The following USP42 variants were observed in gnomAD, a reference collection of about 807,000 sequenced individuals.
USP42 encodes ubiquitin specific peptidase 42, also known as ubiquitin carboxyl-terminal hydrolase 42.
Under a neutral mutation model 113.0 loss-of-function variants are expected in USP42, and 23 were observed. The ratio of observed to expected loss-of-function variants is 0.20; its 90% CI spans 0.15 to 0.29. USP42 has a LOEUF of 0.29. Ranked by LOEUF, USP42 falls within the 10% of genes least tolerant of loss-of-function variation. The pLI is 1.00. For synonymous variants in USP42, 933 were observed against 699.0 expected (o/e 1.33, Z -5.28); for missense variants, 2,174 against 1,779.8 (o/e 1.22, Z -3.99).
At chr7:6,118,462 C>T (rs1234728488) in intron 3 of USP42, among the ~76,000 whole-genome samples, 12 of 151,674 alleles carry the variant, frequency 7.9e-5, no homozygotes, top group Admixed American at 7.9e-4. Flanking sequence ...GTTGAGGCTG[C>T]AGTGAGCCAT....
intron 7 of USP42, 42 bp from the exon 8 acceptor site, chr7:6,142,890 C>T (rs755515756): frequency 1.2e-4 from 186 of 1,594,212 alleles, no homozygotes; most frequent in South Asian, 2.2e-5. Flanking sequence ...ACACAAGTGA[C>T]GGTGTGCGGT....
Position 6,157,910 on chromosome 7 carries a change from GC to G in USP42, c.3943+861del, listed in dbSNP as rs1375344854. Among the ~76,000 whole-genome samples, 6 of 152,126 alleles carry G rather than the reference GC, an allele frequency of 3.9e-5. No homozygotes were observed. The highest frequency in any genetic ancestry group is 8.8e-5 in the Non-Finnish European group (6 of 68,034). ...CTGTGCTCTTACTGCACTTGAGGCA[GC>G]CCCCCACTTCCTCTCCCGTTGGTGT... On this transcript the variant is annotated intron_variant, in intron 16 of 17. Coordinates refer to ENST00000306177, the MANE Select transcript of USP42 (RefSeq NM_032172.3). This position sits in a 1 kb window ranked among gnomAD's most constrained non-coding sequence, Gnocchi z 4.1.
chr7:6,102,751 A>G (rs1344091320), upstream of USP42, among the ~76,000 whole-genome samples: 2 of 150,860 alleles, frequency 1.3e-5, no homozygotes, highest in African/African-American at 2.5e-5. Context: ...GTTGAAACAC[A>G]TAAAAGAGGA....
intron 3 of USP42, among the ~76,000 whole-genome samples, chr7:6,132,926 C>T (rs1780930891): frequency 6.6e-6 from 1 of 152,226 alleles, no homozygotes; most frequent in Non-Finnish European, 1.5e-5. Flanking sequence ...CCATCTTGGT[C>T]TCCCAAAGTG....
intron 11 of USP42, among the ~76,000 whole-genome samples, chr7:6,147,532 A>AC (rs1387180239): frequency 6.6e-6 from 1 of 152,238 alleles, no homozygotes; most frequent in Non-Finnish European, 1.5e-5. Context: ...AACGTCATTT[A>AC]CCCAGTTATC....
In USP42 at chr7:6,154,217, A is replaced by T. The variant is rs1283599281; in HGVS notation, c.2663A>T (p.Gln888Leu). The T allele has an allele frequency of 2.5e-6, 4 of 1,607,030 alleles. No individual in the cohort carries two copies. The highest frequency in any genetic ancestry group is 3.4e-6 in the Non-Finnish European group (4 of 1,178,986). Residue 888 changes from glutamine to leucine, a missense_variant, in exon 15 of 18, where the codon CAG (glutamine) becomes CTG (leucine). Coordinates refer to ENST00000306177, the MANE Select transcript of USP42 (RefSeq NM_032172.3). The part of the protein sequence containing the change: ...DHARDAQDPS[Q>L]SLGAPEAAER... ...GCCCGGGACGCTCAGGACCCATCCC[A>T]GAGCTTGGGCGCACCCGAGGCCGCA...
intron 3 of USP42, among the ~76,000 whole-genome samples, chr7:6,128,849 GTC>G (rs936764467): frequency 8.0e-5 from 9 of 111,974 alleles, no homozygotes; most frequent in Non-Finnish European, 1.4e-4. Flanking sequence ...CGTGGACAGG[GTC>G]TCTCTGTCAC....
Position 6,153,777 on chromosome 7 carries a change from C to G in USP42, c.2223C>G (p.Gly741=). The change falls in exon 15 of 18, where the codon GGC becomes GGG. Residue 741 remains glycine, a synonymous_variant. Transcript: ENST00000306177. The part of the protein sequence containing the change: ...DEMSAPGAER[G]PPEDRDAEPQ... ...GCAGTGCACCTGGAGCAGAGAGGGG[C>G]CCTCCCGAGGACCGCGACGCCGAGC... 1 of 1,476,698 alleles carries G rather than the reference C, an allele frequency of 6.8e-7. No individual in the cohort carries two copies. The highest frequency in any genetic ancestry group is 9.0e-7 in the Non-Finnish European group (1 of 1,112,256). The allele number at this position is 1,476,698 out of a possible 1,614,324, so 91.5% of individuals were successfully genotyped here.
chr7:6,151,755 T>C (rs1386316583), intron 14 of USP42, among the ~76,000 whole-genome samples: 4 of 152,126 alleles, frequency 2.6e-5, no homozygotes, highest in Non-Finnish European at 5.9e-5. Context: ...CAGAGTCGTT[T>C]ATTGCCATTG....
Position 6,149,705 on chromosome 7 carries a change from A to G in USP42, c.1509A>G (p.Gln503=). Residue 503 remains glutamine, a synonymous_variant, in exon 13 of 18, where the codon CAA becomes CAG. Coordinates refer to ENST00000306177, the MANE Select transcript of USP42 (RefSeq NM_032172.3). ...CTGTTAATGCTTCAGCTTCTGTCCA[A>G]AACTGGTCAGTTAATAGGTCCTCAG... ...ASPVNASASV[Q]NWSVNRSSVI... is the part of the protein sequence containing the mutation. 6.2e-7 allele frequency: 1 copy of G among 1,614,014 alleles called. No individual in the cohort carries two copies. Among genetic ancestry groups the G allele is most frequent in the Non-Finnish European group, 8.5e-7 (1 of 1,179,896 alleles).
At chr7:6,117,616 T>C (rs1054958912) in intron 3 of USP42, among the ~76,000 whole-genome samples, 1 of 152,310 alleles carries the variant, frequency 6.6e-6, no homozygotes, top group African/African-American at 2.4e-5. Flanking sequence ...TTAAGAGACT[T>C]CCAGACTTTC....
At chr7:6,100,351 C>T (rs988382898), upstream of USP42, among the ~76,000 whole-genome samples, 22 of 149,882 alleles carry the variant, frequency 1.5e-4, 1 homozygote, top group African/African-American at 5.3e-4. Flanking sequence ...TTTTTTAATA[C>T]GGAGTTTCGC....
At chr7:6,150,340 G>A (rs776822625) in intron 13 of USP42, 38 bp downstream of exon 13, 5 of 1,606,892 alleles carry the variant, frequency 3.1e-6, no homozygotes, top group Admixed American at 1.7e-5. Context: ...CGTTTGTGGC[G>A]GTTCCCTTGG....
intron 3 of USP42, among the ~76,000 whole-genome samples, chr7:6,116,178 A>G (rs1461260921): frequency 1.3e-5 from 2 of 151,530 alleles, no homozygotes; most frequent in African/African-American, 4.9e-5. Flanking sequence ...CTCTCCTGGC[A>G]TTTATATCAT....
rs796077360 is a variant in USP42 at position 6,158,677 on chromosome 7, G to C, written c.3944-773G>C. ...TGAGGACGGGTTGCCTGCGGGCCTT[G>C]TAGACGTTCTGGACATTTCAGAATT... On this transcript the variant is annotated intron_variant, in intron 16 of 17. Coordinates refer to ENST00000306177, the MANE Select transcript of USP42 (RefSeq NM_032172.3). The surrounding 1 kb of genome is among the most constrained non-coding windows in gnomAD (Gnocchi z 4.2). Among the ~76,000 whole-genome samples, 13 of 152,350 alleles carry C rather than the reference G, an allele frequency of 8.5e-5. No individual in the cohort carries two copies. Among genetic ancestry groups the C allele is most frequent in the African/African-American group, 3.1e-4 (13 of 41,586 alleles).
chr7:6,084,897 T>G, the USP42 span, among the ~76,000 whole-genome samples: 1 of 150,398 alleles, frequency 6.6e-6, no homozygotes, highest in African/African-American at 2.5e-5. Flanking sequence ...GTTTACATTT[T>G]TAGTATAGAT....
At chr7:6,118,953 G>T (rs990636352) in intron 3 of USP42, among the ~76,000 whole-genome samples, 6 of 151,744 alleles carry the variant, frequency 4.0e-5, no homozygotes, top group African/African-American at 1.5e-4. Context: ...AGTGGCTCAT[G>T]TCTGTAATCT....
At chr7:6,156,310 A>G (rs1782442256) in intron 15 of USP42, among the ~76,000 whole-genome samples, 1 of 152,198 alleles carries the variant, frequency 6.6e-6, no homozygotes. Flanking sequence ...GTTTCGGGAA[A>G]AGTTAGCAGA....
At chr7:6,104,444 G>A (rs928792900), upstream of USP42, among the ~76,000 whole-genome samples, 1 of 152,262 alleles carries the variant, frequency 6.6e-6, no homozygotes, top group African/African-American at 2.4e-5. Flanking sequence ...GAGGCGCAAG[G>A]TAGTTGCAGA....
Sources: allele counts gnomAD v4.1 joint callset (sites outside exome capture counted in the v4.1 genomes callset), GRCh38; gene constraint gnomAD v4.1.1; non-coding constraint Gnocchi (gnomAD v3.1); transcripts MANE v1.5; gene names NCBI Gene and HGNC (gene_info 2026-07-23, HGNC 2026-07-21).